Variants in MECOM observed in about 807,000 individuals in gnomAD.
The protein encoded by MECOM is histone-lysine N-methyltransferase MECOM.
In MECOM, 13 loss-of-function variants were observed where a neutral mutation model predicts 116.3. The ratio of observed to expected loss-of-function variants is 0.11; its 90% CI spans 0.07 to 0.18. The LOEUF is 0.18. Ranked by LOEUF, MECOM falls within the 10% of genes least tolerant of loss-of-function variation. The pLI is 1.00. For missense variants in MECOM, 1,299 were observed against 1,509.0 expected (o/e 0.86, Z 2.31); for synonymous variants, 528 against 535.2 (o/e 0.99, Z 0.19).
At position 169,128,043 on chromosome 3, in the gene MECOM, A is replaced by G; in HGVS notation, c.631T>C (p.Cys211Arg). Residue 211 changes from cysteine (C) to arginine (R), a missense_variant, in exon 5 of 17, where the codon TGC (cysteine) becomes CGC (arginine). This residue lies in a region of MECOM where 374 missense variants were observed against 433.4 expected (regional missense o/e 0.86). Coordinates refer to ENST00000651503, the MANE Select transcript of MECOM (RefSeq NM_004991.4). ...PDIHEERQYRCEDCDQLFESK... is the reference protein window; with the variant it reads ...PDIHEERQYRREDCDQLFESK... ...TCAAAGAGCTGGTCACAGTCTTCGC[A>G]GCGATATTGCCGTTCTTCTGTGAAA... 1 of 1,614,022 alleles carries G rather than the reference A, an allele frequency of 6.2e-7. No individual in the cohort carries two copies. The highest frequency in any genetic ancestry group is 8.5e-7 in the Non-Finnish European group (1 of 1,179,906).
chr3:169,336,026 C>T (rs1723539385), intron 2 of MECOM, among the ~76,000 whole-genome samples: 3 of 152,104 alleles, frequency 2.0e-5, no homozygotes, highest in Middle Eastern at 3.4e-3. Flanking sequence ...GATTTTTTAG[C>T]GTTTGGTTTT....
At chr3:169,174,911 G>A (rs1744923344) in intron 2 of MECOM, among the ~76,000 whole-genome samples, 1 of 152,120 alleles carries the variant, frequency 6.6e-6, no homozygotes, top group South Asian at 2.1e-4. Flanking sequence ...CAGACATGAA[G>A]ACAACTTCTT....
At chr3:169,654,832 AC>A (rs1560540702) in intron 1 of MECOM, among the ~76,000 whole-genome samples, 2 of 145,088 alleles carry the variant, frequency 1.4e-5, no homozygotes, top group African/African-American at 2.9e-5. Context: ...ACACACACAC[AC>A]ACACACACAT....
chr3:169,649,238 T>A (rs1774562399), intron 1 of MECOM, among the ~76,000 whole-genome samples: 1 of 151,728 alleles, frequency 6.6e-6, no homozygotes, highest in Non-Finnish European at 1.5e-5. Context: ...GGCTTGCAGA[T>A]CATTTGAGCG....
At chr3:169,616,199 T>C (rs1769977029) in intron 1 of MECOM, among the ~76,000 whole-genome samples, 1 of 152,150 alleles carries the variant, frequency 6.6e-6, no homozygotes. Context: ...AACATTGAAC[T>C]TGTGCAAAGG....
chr3:169,273,188 C>T (rs185163378), intron 2 of MECOM, among the ~76,000 whole-genome samples: 1 of 152,182 alleles, frequency 6.6e-6, no homozygotes, highest in Non-Finnish European at 1.5e-5. Flanking sequence ...TCTATAACAT[C>T]CCTTTGCCAC....
intron 1 of MECOM, among the ~76,000 whole-genome samples, chr3:169,649,687 C>G (rs1184668922): frequency 6.6e-6 from 1 of 152,126 alleles, no homozygotes; most frequent in Non-Finnish European, 1.5e-5. Flanking sequence ...TTAAAATATA[C>G]TTTGAAAAAT....
chr3:169,439,166 A>G (rs890244203), intron 1 of MECOM, among the ~76,000 whole-genome samples: 4 of 146,402 alleles, frequency 2.7e-5, no homozygotes, highest in Admixed American at 2.0e-4. Flanking sequence ...ACTAAAGATT[A>G]GTATCCAGAA....
intron 2 of MECOM, among the ~76,000 whole-genome samples, chr3:169,201,346 G>T (rs1749127586): frequency 6.6e-6 from 1 of 151,812 alleles, no homozygotes; most frequent in Non-Finnish European, 1.5e-5. Flanking sequence ...CTCTTACTTA[G>T]CTATTTTGAA....
chr3:169,598,430 C>T (rs957166230), intron 1 of MECOM, among the ~76,000 whole-genome samples: 1 of 152,176 alleles, frequency 6.6e-6, no homozygotes, highest in African/African-American at 2.4e-5. Flanking sequence ...GATTCAATCT[C>T]ATACAAGAAC....
intron 2 of MECOM, among the ~76,000 whole-genome samples, chr3:169,233,258 G>C (rs545979665): frequency 2.0e-5 from 3 of 152,176 alleles, no homozygotes; most frequent in South Asian, 4.1e-4. Context: ...CATCATCCTA[G>C]CTATCTTATT....
intron 2 of MECOM, among the ~76,000 whole-genome samples, chr3:169,315,096 T>C (rs1317238217): frequency 6.6e-6 from 1 of 152,166 alleles, no homozygotes; most frequent in Non-Finnish European, 1.5e-5. Context: ...AGATTGTTGA[T>C]CCTCAGACCC....
chr3:169,278,174 A>G lies in MECOM; in HGVS notation c.375+103013T>C, dbSNP rs565622883. Among the ~76,000 whole-genome samples, 6 of 152,308 alleles carry G rather than the reference A, an allele frequency of 3.9e-5. No homozygotes were observed. The East Asian group carries it at 7.7e-4, about 20-fold the overall frequency. On this transcript the variant is annotated intron_variant, in intron 2 of 16. Coordinates refer to ENST00000651503, the MANE Select transcript of MECOM (RefSeq NM_004991.4). ...GTTTTTCATCAGGCTCTGTACCAAC[A>G]TATACAGAAATTCTCTCTTATTTCT...
At chr3:169,426,433 TCTGATGCTCAGG>T (rs755478466) in intron 1 of MECOM, among the ~76,000 whole-genome samples, 3 of 152,146 alleles carry the variant, frequency 2.0e-5, no homozygotes, top group Non-Finnish European at 1.5e-5. Flanking sequence ...AAAAGGAACC[TCTGATGCTCAGG>T]CATGTCACCA....
intron 1 of MECOM, among the ~76,000 whole-genome samples, chr3:169,407,783 A>G (rs558359088): frequency 1.3e-5 from 2 of 152,356 alleles, no homozygotes; most frequent in South Asian, 4.1e-4. Context: ...AGATGCACTG[A>G]CAAGGAATTC....
intron 2 of MECOM, among the ~76,000 whole-genome samples, chr3:169,223,757 T>A (rs1219305108): frequency 6.6e-6 from 1 of 152,198 alleles, no homozygotes; most frequent in Non-Finnish European, 1.5e-5. Context: ...CCACTTGATT[T>A]AACAGTATGT....
chr3:169,119,447 G>A (rs1730260317), intron 7 of MECOM, among the ~76,000 whole-genome samples: 1 of 152,122 alleles, frequency 6.6e-6, no homozygotes, highest in Non-Finnish European at 1.5e-5. Flanking sequence ...CAATCTGATT[G>A]GAAAGGGACA....
chr3:169,124,076 AG>A (rs1324150291), intron 5 of MECOM, among the ~76,000 whole-genome samples: 2 of 152,158 alleles, frequency 1.3e-5, no homozygotes, highest in Non-Finnish European at 2.9e-5. Flanking sequence ...TGATAGAGTT[AG>A]AGTACATTCG....
intron 2 of MECOM, among the ~76,000 whole-genome samples, chr3:169,193,756 A>G (rs1273978879): frequency 6.6e-6 from 1 of 152,008 alleles, no homozygotes; most frequent in Non-Finnish European, 1.5e-5. Flanking sequence ...AAAAGTTTTG[A>G]TTTTAGAAAT....
Sources: allele counts gnomAD v4.1 joint callset (sites outside exome capture counted in the v4.1 genomes callset), GRCh38; gene constraint gnomAD v4.1.1; regional missense constraint gnomAD v4.1.1; transcripts MANE v1.5; gene names NCBI Gene and HGNC (gene_info 2026-07-23, HGNC 2026-07-21).